The following NTRK3 variants were observed in gnomAD, a reference collection of about 807,000 sequenced individuals.
NTRK3 encodes neurotrophic receptor tyrosine kinase 3.
A neutral mutation model predicts 91.7 loss-of-function variants in NTRK3; 24 were observed. The observed-to-expected ratio is 0.26, with a 90% CI of 0.19 to 0.37. The LOEUF is 0.37. Among genes scored for constraint, NTRK3 ranks in the 10% least tolerant of loss-of-function variants. The probability of loss-of-function intolerance (pLI) is 1.00; values close to 1 mark genes in which losing one functional copy is unlikely to be tolerated. For synonymous variants in NTRK3, 483 were observed against 404.0 expected (o/e 1.20, Z -2.34); for missense variants, 880 against 1,068.9 (o/e 0.82, Z 2.46).
At chr15:88,196,422 G>T (rs979956543) in intron 3 of NTRK3, among the ~76,000 whole-genome samples, 1 of 152,190 alleles carries the variant, frequency 6.6e-6, no homozygotes, top group African/African-American at 2.4e-5. Context: ...TGGGATGGGG[G>T]CTGCAGAAGA....
chr15:87,959,553 G>A (rs572324603), intron 14 of NTRK3, among the ~76,000 whole-genome samples: 11 of 152,156 alleles, frequency 7.2e-5, no homozygotes, highest in Non-Finnish European at 1.6e-4. Context: ...AGTTCATATC[G>A]AGCTTAAGAC....
intron 3 of NTRK3, among the ~76,000 whole-genome samples, chr15:88,186,835 T>C (rs537374877): frequency 6.6e-6 from 1 of 152,238 alleles, no homozygotes; most frequent in South Asian, 2.1e-4. Context: ...CAGAAAACAG[T>C]TGTCGACTCC....
chr15:88,223,951 G>T (rs2050460227), intron 3 of NTRK3, among the ~76,000 whole-genome samples: 1 of 152,214 alleles, frequency 6.6e-6, no homozygotes, highest in Non-Finnish European at 1.5e-5. Flanking sequence ...CATTCATTCT[G>T]TTGACCAGAG....
chr15:87,940,567 C>G, intron 15 of NTRK3, 56 bp downstream of exon 15: 1 of 1,612,026 alleles, frequency 6.2e-7, no homozygotes, highest in East Asian at 2.2e-5. Context: ...TCTTCCTTCC[C>G]TCCCTGGGCC....
chr15:88,142,686 G>A (rs1249101833), intron 6 of NTRK3, among the ~76,000 whole-genome samples: 1 of 152,226 alleles, frequency 6.6e-6, no homozygotes, highest in Non-Finnish European at 1.5e-5. Context: ...ACAACAGTCA[G>A]ATGGTAGGAA....
intron 14 of NTRK3, among the ~76,000 whole-genome samples, chr15:88,004,168 A>G (rs1300438281): frequency 1.3e-5 from 2 of 152,084 alleles, no homozygotes; most frequent in East Asian, 3.9e-4. Flanking sequence ...CAATTTGTCC[A>G]GTATCACTCC....
exon 19 of NTRK3, chr15:87,868,494 G>A (rs1215891563): frequency 2.7e-5 from 6 of 219,218 alleles, no homozygotes; most frequent in Non-Finnish European, 5.5e-5. Context: ...ATTAGAATCA[G>A]TAAAATCTCA....
chr15:88,020,172 T>C (rs56825295), intron 14 of NTRK3, among the ~76,000 whole-genome samples: 1 of 152,150 alleles, frequency 6.6e-6, no homozygotes, highest in African/African-American at 2.4e-5. Context: ...CAAAATTAAG[T>C]TTGATGACAA....
intron 17 of NTRK3, among the ~76,000 whole-genome samples, chr15:87,911,839 G>T (rs2067104950): frequency 1.3e-5 from 2 of 152,132 alleles, no homozygotes; most frequent in South Asian, 4.1e-4. Context: ...TATAGTCCTA[G>T]GTACAAGGGT....
At chr15:88,065,183 T>C (rs1168764236) in intron 13 of NTRK3, among the ~76,000 whole-genome samples, 1 of 152,122 alleles carries the variant, frequency 6.6e-6, no homozygotes, top group African/African-American at 2.4e-5. Context: ...ACCTCACTGA[T>C]AGGAGGCCAA....
intron 10 of NTRK3, among the ~76,000 whole-genome samples, chr15:88,134,746 T>C (rs1011163266): frequency 3.9e-5 from 6 of 152,198 alleles, no homozygotes; most frequent in Admixed American, 1.3e-4. Context: ...GAAAAGGAAA[T>C]TGATGCTTAG....
At chr15:88,006,672 G>C (rs188821605) in intron 14 of NTRK3, among the ~76,000 whole-genome samples, 1 of 152,344 alleles carries the variant, frequency 6.6e-6, no homozygotes, top group Non-Finnish European at 1.5e-5. Context: ...TGATGTAAAA[G>C]AAAACGGGCT....
In NTRK3 at chr15:88,134,875, T is replaced by C. The variant is rs2041724062; in HGVS notation, c.1204+226A>G. Among the ~76,000 whole-genome samples, 3 of 152,216 alleles carry C rather than the reference T, an allele frequency of 2.0e-5. No homozygotes were observed. In the South Asian group the frequency reaches 6.2e-4, roughly 32 times the overall value. On this transcript the variant is annotated intron_variant, in intron 10 of 18. Transcript: ENST00000394480. ...CAGTGTGCCCTAACATGCACAACTG[T>C]TATTTCTAAGAAGTCTTGGTTACCA...
rs8039137 is a variant in NTRK3, at chr15:88,105,353, A to C, written c.1396+20918T>G. Among the ~76,000 whole-genome samples the C allele has an allele frequency of 5.4e-3, 826 of 152,316 alleles. 5 individuals carry two copies. The highest frequency in any genetic ancestry group is 0.018 in the African/African-American group (762 of 41,562). On this transcript the variant is annotated intron_variant, in intron 13 of 18. Coordinates refer to ENST00000394480, the Ensembl canonical transcript of NTRK3. The stretch of plus-strand genomic sequence containing the variant: ...TCAAGGAAGGCCCAAGGACCTAGCC[A>C]CTGCTACCTTAAAGAGTCATGGATG...
At chr15:88,193,906 G>A (rs1325784746) in intron 3 of NTRK3, among the ~76,000 whole-genome samples, 1 of 152,126 alleles carries the variant, frequency 6.6e-6, no homozygotes, top group Non-Finnish European at 1.5e-5. Context: ...TATGGCAAAT[G>A]GTTTAAAAGA....
At chr15:87,935,479 G>A (rs1367311888) in intron 15 of NTRK3, among the ~76,000 whole-genome samples, 4 of 152,192 alleles carry the variant, frequency 2.6e-5, no homozygotes, top group Non-Finnish European at 4.4e-5. Context: ...AGTCTCTTCT[G>A]GGGACCCAGC....
chr15:88,182,355 TC>T (rs1330383213), intron 5 of NTRK3, among the ~76,000 whole-genome samples: 1 of 152,118 alleles, frequency 6.6e-6, no homozygotes, highest in Non-Finnish European at 1.5e-5. Context: ...CTCTTCCCTT[TC>T]CCCACCTTCC....
chr15:88,139,309 G>A (rs1043950083), intron 6 of NTRK3, among the ~76,000 whole-genome samples: 1 of 152,178 alleles, frequency 6.6e-6, no homozygotes, highest in Non-Finnish European at 1.5e-5. Flanking sequence ...TGAATGCCTG[G>A]ATCATTAGAG....
At position 88,233,229 on chromosome 15, in the gene NTRK3, A is replaced by T. The variant is rs1054195881; in HGVS notation, c.248+22677T>A. On this transcript the variant is annotated intron_variant, in intron 3 of 18. Transcript: ENST00000394480. This position sits in a 1 kb window ranked among gnomAD's most constrained non-coding sequence, Gnocchi z 4.2. ...ACCGTAGAGCACATTGCCAATAAAT[A>T]ACCCCCCCGCCCCCAGTGTAATCTC... 6.6e-6 allele frequency among the ~76,000 whole-genome samples: 1 copy of T among 152,080 alleles called. No individual in the cohort carries two copies. Among genetic ancestry groups the T allele is most frequent in the Admixed American group, 6.5e-5 (1 of 15,286 alleles).
Sources: gnomAD v4.1 joint callset for allele counts (sites outside exome capture counted in the v4.1 genomes callset) on GRCh38, gnomAD v4.1.1 for gene constraint, Gnocchi (gnomAD v3.1) non-coding constraint, MANE v1.5 for transcripts, NCBI Gene and HGNC (gene_info 2026-07-23, HGNC 2026-07-21) for gene names.